ADAMTS20: variants seen among roughly 807,000 people sequenced by gnomAD.
The protein encoded by ADAMTS20 is A disintegrin and metalloproteinase with thrombospondin motifs 20.
ADAMTS20 carries 225 observed loss-of-function variants against 260.1 expected under a neutral mutation model. The observed-to-expected ratio is 0.87, with a 90% CI of 0.78 to 0.97. The LOEUF is 0.97. Among genes scored for constraint, ADAMTS20 ranks in the 50% least tolerant of loss-of-function variants. The pLI is 0.00. For synonymous variants in ADAMTS20, 802 were observed against 769.5 expected, an observed-to-expected ratio of 1.04 and a Z score of -0.70; for missense variants, 2,400 against 2,337.7, an observed-to-expected ratio of 1.03 and a Z score of -0.55.
chr12:43,430,493 TAAAAA>T, intron 22 of ADAMTS20, 22 bp from the exon 23 acceptor site: 2 of 1,593,672 alleles, frequency 1.3e-6, no homozygotes, highest in Non-Finnish European at 1.7e-6. Flanking sequence ...ATATAGATAT[TAAAAA>T]AACATTGTTT....
chr12:43,362,917 T>C (rs1939904595), intron 37 of ADAMTS20, among the ~76,000 whole-genome samples: 1 of 151,714 alleles, frequency 6.6e-6, no homozygotes. Context: ...AAACAGATTA[T>C]CTCCTAAAGC....
chr12:43,369,386 A>C lies in ADAMTS20; in HGVS notation c.5447-5T>G. On this transcript the variant is annotated splice_region_variant and splice_polypyrimidine_tract_variant and intron_variant, in intron 36 of 38. Transcript: ENST00000389420. ...TGGAAAAAAGAAGGTCCGTAGCTAG[A>C]AAATAATAAATAAAACTCTTTAGCA... is the stretch of plus-strand genomic sequence containing the variant. The C allele has an allele frequency of 6.7e-7, 1 of 1,487,512 alleles. No individual in the cohort carries two copies. The highest frequency in any genetic ancestry group is 1.8e-4 in the Middle Eastern group (1 of 5,702). 92.1% of individuals were successfully genotyped at this position (1,487,512 alleles called of 1,614,324 possible).
chr12:43,470,323 T>C (rs1283149202), intron 7 of ADAMTS20, among the ~76,000 whole-genome samples: 2 of 152,236 alleles, frequency 1.3e-5, no homozygotes, highest in East Asian at 1.9e-4. Flanking sequence ...GAACACATTA[T>C]TGAGTCCATT....
intron 4 of ADAMTS20, among the ~76,000 whole-genome samples, chr12:43,496,127 C>T (rs554109565): frequency 6.6e-5 from 10 of 152,184 alleles, no homozygotes; most frequent in South Asian, 6.2e-4. Flanking sequence ...TAGGATACTA[C>T]GTTTGCTATA....
chr12:43,418,778 C>T (rs1342333366), intron 28 of ADAMTS20, among the ~76,000 whole-genome samples: 1 of 152,134 alleles, frequency 6.6e-6, no homozygotes. Context: ...TGAACTACAG[C>T]TTCTTTTAGT....
chr12:43,426,841 T>A (rs1440471146), intron 27 of ADAMTS20, among the ~76,000 whole-genome samples: 1 of 152,098 alleles, frequency 6.6e-6, no homozygotes, highest in African/African-American at 2.4e-5. Context: ...TGCTGAAAAA[T>A]CTAGAATATG....
At position 43,383,720 on chromosome 12, in the gene ADAMTS20, T is replaced by C. The variant is rs773856646; in HGVS notation, c.4635A>G (p.Thr1545=). 1.2e-6 allele frequency: 2 copies of C among 1,613,866 alleles called. No homozygotes were observed. Among genetic ancestry groups the C allele is most frequent in the South Asian group, 2.2e-5 (2 of 91,058 alleles). ...GATGTGAATCTTTTCTCTCACATGATGTTGAACACTAGAAATGCAATAACC... is the reference window on the plus strand; with the variant it reads ...GATGTGAATCTTTTCTCTCACATGACGTTGAACACTAGAAATGCAATAACC... ...GMERGRLNCS[T]SCERKDSHQR... Residue 1545 remains threonine, a synonymous_variant, in exon 31 of 39, where the codon ACA becomes ACG. Transcript: ENST00000389420.
chr12:43,543,876 G>C (rs1943408951), intron 2 of ADAMTS20, among the ~76,000 whole-genome samples: 1 of 152,066 alleles, frequency 6.6e-6, no homozygotes. Context: ...AGAAAGTCAA[G>C]ATCCAGTATA....
intron 28 of ADAMTS20, among the ~76,000 whole-genome samples, chr12:43,410,034 C>T (rs909981442): frequency 1.3e-5 from 2 of 152,046 alleles, no homozygotes; most frequent in Non-Finnish European, 2.9e-5. Context: ...TATAGCTAGT[C>T]AATTATTCCA....
intron 38 of ADAMTS20, among the ~76,000 whole-genome samples, chr12:43,355,879 A>G (rs1939733041): frequency 6.6e-6 from 1 of 152,048 alleles, no homozygotes; most frequent in African/African-American, 2.4e-5. Flanking sequence ...AAAAATAGTT[A>G]TAACTATATA....
intron 3 of ADAMTS20, among the ~76,000 whole-genome samples, chr12:43,525,162 A>G (rs2137490212): frequency 6.6e-6 from 1 of 152,354 alleles, no homozygotes; most frequent in South Asian, 2.1e-4. Context: ...AGGAAATCCT[A>G]TCAGACTAAC....
chr12:43,544,490 G>A (rs1238055751), intron 2 of ADAMTS20, among the ~76,000 whole-genome samples: 2 of 152,030 alleles, frequency 1.3e-5, no homozygotes, highest in Non-Finnish European at 2.9e-5. Flanking sequence ...CAGACACCTA[G>A]CTTTAATTTA....
chr12:43,418,057 C>A (rs563560086), intron 28 of ADAMTS20, among the ~76,000 whole-genome samples: 1 of 152,240 alleles, frequency 6.6e-6, no homozygotes, highest in East Asian at 1.9e-4. Context: ...CAGACTTTTG[C>A]TGGTTAAGTT....
chr12:43,443,761 T>C (rs1184817703), intron 16 of ADAMTS20, 30 bp downstream of exon 16: 1 of 1,546,482 alleles, frequency 6.5e-7, no homozygotes, highest in East Asian at 2.2e-5. Context: ...ATAAGCCACA[T>C]ACTGGCTGTT....
intron 3 of ADAMTS20, among the ~76,000 whole-genome samples, chr12:43,514,424 T>C (rs534670920): frequency 1.3e-3 from 201 of 151,588 alleles, no homozygotes; most frequent in African/African-American, 4.6e-3. Flanking sequence ...CAGTTGGGTG[T>C]AGTGGCGCGT....
Position 43,551,248 on chromosome 12 carries a change from G to A in ADAMTS20, c.114C>T (p.Thr38=), listed in dbSNP as rs1943512413. 2 of 1,613,514 alleles carry A rather than the reference G, an allele frequency of 1.2e-6. No individual in the cohort carries two copies. The highest frequency in any genetic ancestry group is 1.7e-6 in the Non-Finnish European group (2 of 1,179,718). The stretch of plus-strand genomic sequence containing the variant: ...GCTCGGGGATCACTACTTCGTAGGA[G>A]GTCAGTGTCCTCACCAGGGCTTCTG... ...PRQEALVRTL[T]SYEVVIPERV... is the part of the protein sequence containing the mutation. Residue 38 remains threonine, a synonymous_variant, in exon 2 of 39, where the codon ACC becomes ACT. Transcript: ENST00000389420. This position sits in a 1 kb window ranked among gnomAD's most constrained non-coding sequence, Gnocchi z 4.6.
chr12:43,520,873 C>A (rs548824676), intron 3 of ADAMTS20, among the ~76,000 whole-genome samples: 2 of 152,284 alleles, frequency 1.3e-5, no homozygotes, highest in African/African-American at 2.4e-5. Context: ...TAAGAGATTG[C>A]AAATGAAATT....
At chr12:43,403,430 T>C (rs562711975) in intron 28 of ADAMTS20, among the ~76,000 whole-genome samples, 2 of 152,254 alleles carry the variant, frequency 1.3e-5, no homozygotes, top group Admixed American at 1.3e-4. Context: ...GATCTGGCAC[T>C]GTATCCTTTC....
chr12:43,378,705 C>A (rs767710634), intron 31 of ADAMTS20, among the ~76,000 whole-genome samples: 1 of 152,092 alleles, frequency 6.6e-6, no homozygotes, highest in Non-Finnish European at 1.5e-5. Context: ...AATTGGAATG[C>A]AAAGAACCTG....
Sources: gnomAD v4.1 joint callset for allele counts (sites outside exome capture counted in the v4.1 genomes callset) on GRCh38, gnomAD v4.1.1 for gene constraint, Gnocchi (gnomAD v3.1) non-coding constraint, MANE v1.5 for transcripts, NCBI Gene and HGNC (gene_info 2026-07-23, HGNC 2026-07-21) for gene names.